The following AGBL4 variants were observed in gnomAD, a reference collection of about 807,000 sequenced individuals.
AGBL4 encodes the protein AGBL carboxypeptidase 4, also known as cytosolic carboxypeptidase 6.
Under a neutral mutation model 66.4 loss-of-function variants are expected in AGBL4, and 58 were observed. The ratio of observed to expected loss-of-function variants is 0.87; its 90% CI spans 0.71 to 1.09. The LOEUF (loss-of-function observed/expected upper bound fraction) is 1.09. Ranked by LOEUF, AGBL4 falls within the 50% of genes least tolerant of loss-of-function variation. The pLI, the probability that AGBL4 is intolerant of heterozygous loss-of-function variation, is 0.00. For synonymous variants in AGBL4, 234 were observed against 222.9 expected, an observed-to-expected ratio of 1.05 and a Z score of -0.44; for missense variants, 579 against 631.0, an observed-to-expected ratio of 0.92 and a Z score of 0.88.
intron 3 of AGBL4, among the ~76,000 whole-genome samples, chr1:49,307,512 T>A (rs1176959005): frequency 6.6e-6 from 1 of 152,174 alleles, no homozygotes; most frequent in Non-Finnish European, 1.5e-5. Flanking sequence ...CTAGAGATAC[T>A]GTGAGTAAAA....
intron 1 of AGBL4, among the ~76,000 whole-genome samples, chr1:49,871,628 A>G (rs1646841171): frequency 6.6e-6 from 1 of 152,128 alleles, no homozygotes. Flanking sequence ...TAATAAAATC[A>G]TATAGGAAGC....
At chr1:49,616,019 A>G (rs1338247308) in intron 3 of AGBL4, among the ~76,000 whole-genome samples, 1 of 152,128 alleles carries the variant, frequency 6.6e-6, no homozygotes, top group African/African-American at 2.4e-5. Context: ...ATTTCTTTAC[A>G]TACCCTTTTA....
chr1:48,667,991 A>C (rs966896213), intron 6 of AGBL4, among the ~76,000 whole-genome samples: 6 of 145,778 alleles, frequency 4.1e-5, no homozygotes, highest in African/African-American at 1.5e-4. Flanking sequence ...GAATGTTATA[A>C]TGGGGGAAGC....
At chr1:49,601,079 C>A (rs1644949261) in intron 3 of AGBL4, among the ~76,000 whole-genome samples, 1 of 152,050 alleles carries the variant, frequency 6.6e-6, no homozygotes, top group African/African-American at 2.4e-5. Flanking sequence ...TTCTTTTCAA[C>A]CTTGGTGAAT....
intron 3 of AGBL4, among the ~76,000 whole-genome samples, chr1:49,543,566 A>G (rs1570989473): frequency 6.6e-6 from 1 of 151,692 alleles, no homozygotes; most frequent in African/African-American, 2.4e-5. Flanking sequence ...TACTGTAAAC[A>G]AGCTAATATA....
intron 3 of AGBL4, among the ~76,000 whole-genome samples, chr1:49,598,545 C>T (rs1048065847): frequency 6.6e-6 from 1 of 152,142 alleles, no homozygotes; most frequent in African/African-American, 2.4e-5. Context: ...TCGTGAACCG[C>T]GAATGCTGCT....
chr1:49,687,115 A>C (rs560608155), intron 3 of AGBL4, among the ~76,000 whole-genome samples: 14 of 152,278 alleles, frequency 9.2e-5, no homozygotes, highest in African/African-American at 3.4e-4. Flanking sequence ...AAGGTAATAG[A>C]GGGGTATTTA....
At chr1:49,335,061 A>G (rs1175748831) in intron 3 of AGBL4, among the ~76,000 whole-genome samples, 2 of 152,200 alleles carry the variant, frequency 1.3e-5, no homozygotes, top group African/African-American at 4.8e-5. Context: ...TGCTGGACAT[A>G]TACACTTTAT....
At chr1:48,864,334 A>T (rs1055524046) in intron 6 of AGBL4, among the ~76,000 whole-genome samples, 2 of 152,192 alleles carry the variant, frequency 1.3e-5, no homozygotes, top group Admixed American at 6.5e-5. Context: ...ACATTCTGCT[A>T]TTGGAAGAGT....
At chr1:49,624,002 A>T (rs199502910) in intron 3 of AGBL4, among the ~76,000 whole-genome samples, 26 of 149,446 alleles carry the variant, frequency 1.7e-4, no homozygotes, top group African/African-American at 3.5e-4. Flanking sequence ...GATGAGAGAG[A>T]GTGTGTGTGT....
At chr1:49,340,292 T>C (rs1292386564) in intron 3 of AGBL4, among the ~76,000 whole-genome samples, 1 of 151,710 alleles carries the variant, frequency 6.6e-6, no homozygotes, top group East Asian at 1.9e-4. Context: ...CAGATGTCTA[T>C]ATTTGTACTA....
intron 11 of AGBL4, among the ~76,000 whole-genome samples, chr1:48,574,522 T>TTTTTC (rs148218619): frequency 3.3e-5 from 5 of 150,744 alleles, no homozygotes; most frequent in African/African-American, 1.2e-4. Context: ...TATGTATATT[T>TTTTTC]TTTTCTTTTC....
At chr1:49,521,101 G>A (rs1650227541) in intron 3 of AGBL4, among the ~76,000 whole-genome samples, 1 of 151,862 alleles carries the variant, frequency 6.6e-6, no homozygotes, top group Non-Finnish European at 1.5e-5. Flanking sequence ...GAGCCACTAT[G>A]CCTCACCCAT....
intron 5 of AGBL4, among the ~76,000 whole-genome samples, chr1:48,889,025 C>A (rs904850262): frequency 6.6e-6 from 1 of 152,268 alleles, no homozygotes; most frequent in Non-Finnish European, 1.5e-5. Context: ...AACAAAGAAG[C>A]TAAAGGAGCC....
At chr1:49,280,711 T>C (rs894089766) in intron 3 of AGBL4, among the ~76,000 whole-genome samples, 3 of 152,228 alleles carry the variant, frequency 2.0e-5, no homozygotes, top group Non-Finnish European at 4.4e-5. Flanking sequence ...ATTCTACAGA[T>C]ACCTGGCTGA....
chr1:49,779,725 T>C (rs1176319065), intron 2 of AGBL4, among the ~76,000 whole-genome samples: 1 of 151,992 alleles, frequency 6.6e-6, no homozygotes, highest in Non-Finnish European at 1.5e-5. Context: ...AATGCAGTTT[T>C]CCCCATGAAG....
In AGBL4 at chr1:49,766,760, CAT is replaced by C. The variant is rs775393776; in HGVS notation, c.158-69325_158-69324del. Among the ~76,000 whole-genome samples the C allele has an allele frequency of 4.3e-4, 65 of 151,562 alleles. No individual in the cohort carries two copies. In the South Asian group the frequency reaches 7.7e-3, roughly 18 times the overall value. The stretch of plus-strand genomic sequence containing the variant: ...AAAGCTATATCATGCAAATAGAAAA[CAT>C]AAAAGAACAGAGGTCAGGTCAATGT... On this transcript the variant is annotated intron_variant, in intron 2 of 13. Transcript: ENST00000371839.
At chr1:48,671,481 G>C (rs1185168672) in intron 6 of AGBL4, among the ~76,000 whole-genome samples, 1 of 152,192 alleles carries the variant, frequency 6.6e-6, no homozygotes, top group Non-Finnish European at 1.5e-5. Flanking sequence ...GACAGAAGAA[G>C]CATTAAATCC....
At chr1:49,795,539 G>C (rs935838077) in intron 2 of AGBL4, among the ~76,000 whole-genome samples, 11 of 151,912 alleles carry the variant, frequency 7.2e-5, no homozygotes, top group Admixed American at 1.3e-4. Context: ...GTATTCCAGA[G>C]TTATGGCCCA....
Sources: gnomAD v4.1 joint callset for allele counts (sites outside exome capture counted in the v4.1 genomes callset) on GRCh38, gnomAD v4.1.1 for gene constraint, MANE v1.5 for transcripts, NCBI Gene and HGNC (gene_info 2026-07-23, HGNC 2026-07-21) for gene names.